CFAP300: variants seen among roughly 807,000 people sequenced by gnomAD.
CFAP300 encodes the protein cilia and flagella associated protein 300, also known as cilia- and flagella-associated protein 300.
A neutral mutation model predicts 33.0 loss-of-function variants in CFAP300; 32 were observed. The ratio of observed to expected loss-of-function variants is 0.97; its 90% CI spans 0.73 to 1.30. The LOEUF is 1.30. Ranked by LOEUF, CFAP300 falls within the 50% of genes most tolerant of loss-of-function variation. The pLI is 0.00. For synonymous variants in CFAP300, 102 were observed against 106.8 expected (o/e 0.95, Z 0.28); for missense variants, 356 against 318.1 (o/e 1.12, Z -0.90).
chr11:102,081,184 T>C (rs1942468159), intron 5 of CFAP300, 31 bp from the exon 6 acceptor site: 2 of 1,537,542 alleles, frequency 1.3e-6, no homozygotes, highest in East Asian at 4.5e-5. Context: ...GCCTATTATA[T>C]GTTAAAAGCA....
chr11:102,084,158 A>C lies in CFAP300; in HGVS notation c.*959A>C, dbSNP rs1254501208. 6.6e-6 allele frequency: 1 copy of C among 152,250 alleles called. No homozygotes were observed. The highest frequency in any genetic ancestry group is 2.4e-5 in the African/African-American group (1 of 41,474). 9.4% of individuals were successfully genotyped at this position (152,250 alleles called of 1,614,324 possible). ...GCATTAGTAAGTCGTTCAAAGAGTG[A>C]GAAGCAGGTTATCTTAGTACTGTTC... is the stretch of plus-strand genomic sequence containing the variant. On this transcript the variant is annotated 3_prime_UTR_variant, in exon 7 of 7. Transcript: ENST00000434758.
Position 102,084,139 on chromosome 11 carries a change from G to C in CFAP300, c.*940G>C, listed in dbSNP as rs993128465. The C allele has an allele frequency of 6.6e-6, 1 of 152,260 alleles. No homozygotes were observed. The highest frequency in any genetic ancestry group is 2.4e-5 in the African/African-American group (1 of 41,472). The allele number at this position is 152,260 out of a possible 1,614,324, so 9.4% of individuals were successfully genotyped here. A position where few individuals can be genotyped will look rare whatever the true frequency, so the allele number is the denominator to read the frequency against. ...CAGAGAAAGTTGCCTGATGGCATTAGTAAGTCGTTCAAAGAGTGAGAAGCA... is the reference window on the plus strand; with the variant it reads ...CAGAGAAAGTTGCCTGATGGCATTACTAAGTCGTTCAAAGAGTGAGAAGCA... On this transcript the variant is annotated 3_prime_UTR_variant, in exon 7 of 7. Transcript: ENST00000434758.
chr11:102,054,766 T>G (rs1385906750), intron 2 of CFAP300, among the ~76,000 whole-genome samples: 1 of 148,624 alleles, frequency 6.7e-6, no homozygotes, highest in Non-Finnish European at 1.5e-5. Flanking sequence ...CAGTTTAGAT[T>G]CCTCTCTGAA....
chr11:102,066,717 C>A, intron 4 of CFAP300, 66 bp downstream of exon 4: 1 of 1,418,146 alleles, frequency 7.1e-7, no homozygotes. Context: ...ATGGCAAAAA[C>A]TTTGCCTGCT....
chr11:102,066,453 A>G lies in CFAP300; in HGVS notation c.269-32A>G, dbSNP rs368718668. ...TTGAGAATACTAAATTAATTTTTCTATCTCCATTCTTTATAAAATATCTTT... is the reference window on the plus strand; with the variant it reads ...TTGAGAATACTAAATTAATTTTTCTGTCTCCATTCTTTATAAAATATCTTT... On this transcript the variant is annotated intron_variant, in intron 3 of 6. Coordinates refer to ENST00000434758, the MANE Select transcript of CFAP300 (RefSeq NM_032930.3). 41 of 1,487,802 alleles carry G rather than the reference A, an allele frequency of 2.8e-5. No individual in the cohort carries two copies. The African/African-American group carries it at 5.4e-4, about 19-fold the overall frequency. The allele number at this position is 1,487,802 out of a possible 1,614,324, so 92.2% of individuals were successfully genotyped here.
At chr11:102,048,486 C>T (rs1337364010) in intron 2 of CFAP300, among the ~76,000 whole-genome samples, 1 of 152,156 alleles carries the variant, frequency 6.6e-6, no homozygotes, top group African/African-American at 2.4e-5. Flanking sequence ...CGAGCCACCA[C>T]CCCCAGCCTC....
rs1941895400 is a variant in CFAP300 at position 102,047,492 on chromosome 11, G to T, written c.22G>T (p.Asp8Tyr). 1.3e-6 allele frequency: 2 copies of T among 1,535,996 alleles called. No individual in the cohort carries two copies. The highest frequency in any genetic ancestry group is 2.4e-5 in the South Asian group (2 of 84,064). MATGELG[D>Y]LGGYYFRFLP... ...CACGATGGCTACTGGGGAGCTCGGG[G>T]ACTTGGGTGGCTACTACTTCAGGTT... The change falls in exon 1 of 7, where the codon GAC (aspartate) becomes TAC (tyrosine). Residue 8 changes from aspartate to tyrosine, a missense_variant. By Grantham distance (160) the Asp-to-Tyr change is radical. Transcript: ENST00000434758.
chr11:102,060,934 C>T (rs970047403), intron 3 of CFAP300, among the ~76,000 whole-genome samples: 2 of 151,978 alleles, frequency 1.3e-5, no homozygotes, highest in Non-Finnish European at 2.9e-5. Context: ...TATATTTACC[C>T]AACTCAAAAT....
chr11:102,071,161 G>C (rs1942308195), intron 4 of CFAP300, among the ~76,000 whole-genome samples: 2 of 152,164 alleles, frequency 1.3e-5, no homozygotes, highest in South Asian at 4.1e-4. Flanking sequence ...CTGTATTAGA[G>C]TCTGTCTCTT....
At chr11:102,056,328 A>G (rs1225282550) in intron 2 of CFAP300, among the ~76,000 whole-genome samples, 1 of 152,224 alleles carries the variant, frequency 6.6e-6, no homozygotes, top group Non-Finnish European at 1.5e-5. Flanking sequence ...AGAATCCAAA[A>G]GTAGAGTTTG....
chr11:102,072,466 GAAT>G (rs1942326926), intron 4 of CFAP300, among the ~76,000 whole-genome samples: 1 of 151,364 alleles, frequency 6.6e-6, no homozygotes, highest in Non-Finnish European at 1.5e-5. Flanking sequence ...TTTTTTGAGA[GAAT>G]TTTTTTTTTT....
intron 3 of CFAP300, among the ~76,000 whole-genome samples, chr11:102,059,319 G>GTGTGTA (rs1942108159): frequency 6.7e-6 from 1 of 148,360 alleles, no homozygotes; most frequent in Non-Finnish European, 1.5e-5. Context: ...GTGTGTGTGT[G>GTGTGTA]TGTATGTACT....
chr11:102,060,906 A>G (rs796546675), intron 3 of CFAP300, among the ~76,000 whole-genome samples: 5 of 152,320 alleles, frequency 3.3e-5, no homozygotes, highest in African/African-American at 1.2e-4. Context: ...ACAAAATTAA[A>G]CTGAGTATCT....
intron 5 of CFAP300, among the ~76,000 whole-genome samples, chr11:102,079,188 G>T (rs913015229): frequency 1.3e-5 from 2 of 151,952 alleles, no homozygotes; most frequent in Non-Finnish European, 2.9e-5. Context: ...ATACAATTTG[G>T]TGAATCTTTA....
At chr11:102,049,816 A>G (rs1284568316) in intron 2 of CFAP300, among the ~76,000 whole-genome samples, 6 of 151,966 alleles carry the variant, frequency 3.9e-5, no homozygotes, top group Non-Finnish European at 5.9e-5. Context: ...CCCAGCTTAC[A>G]AGGCATGTAT....
In CFAP300 at chr11:102,083,035, A is replaced by T. The variant is rs772897913; in HGVS notation, c.676-36A>T. On this transcript the variant is annotated intron_variant, in intron 6 of 6. Coordinates refer to ENST00000434758, the MANE Select transcript of CFAP300 (RefSeq NM_032930.3). ...AATAAATATATAAATACATAAATAA[A>T]ATAAAATAATAATAATTTAGGTTTG... The T allele has an allele frequency of 1.1e-5, 12 of 1,134,380 alleles. No individual in the cohort carries two copies. The African/African-American group carries it at 1.7e-4, about 16-fold the overall frequency. The allele number at this position is 1,134,380 out of a possible 1,614,324, so 70.3% of individuals were successfully genotyped here. A position where few individuals can be genotyped will look rare whatever the true frequency, so the allele number is the denominator to read the frequency against.
Position 102,047,486 on chromosome 11 carries a change from C to T in CFAP300, c.16C>T (p.Leu6Phe), listed in dbSNP as rs184947491. ...CGAGAGCACGATGGCTACTGGGGAG[C>T]TCGGGGACTTGGGTGGCTACTACTT... The part of the protein sequence containing the change: MATGE[L>F]GDLGGYYFRF... Residue 6 changes from leucine (L) to phenylalanine (F), a missense_variant, in exon 1 of 7, where the codon CTC (leucine) becomes TTC (phenylalanine). By Grantham distance (22) the Leu-to-Phe change is conservative. Transcript: ENST00000434758. 2,841 of 1,535,916 alleles carry T rather than the reference C, an allele frequency of 1.8e-3. 7 individuals carry two copies. The highest frequency in any genetic ancestry group is 2.0e-3 in the Non-Finnish European group (2,343 of 1,146,734).
intron 3 of CFAP300, among the ~76,000 whole-genome samples, chr11:102,059,957 T>C (rs11225115): frequency 0.54 from 81,262 of 151,546 alleles, 22,649 homozygotes; most frequent in East Asian, 0.75. Context: ...GGCTAATTCC[T>C]GGCTAATTTT....
chr11:102,052,850 C>A (rs1941991303), intron 2 of CFAP300, among the ~76,000 whole-genome samples: 1 of 152,168 alleles, frequency 6.6e-6, no homozygotes, highest in Admixed American at 6.6e-5. Flanking sequence ...CTTTTTCCAG[C>A]CCTTCAATTC....
Sources: gnomAD v4.1 joint callset for allele counts (sites outside exome capture counted in the v4.1 genomes callset) on GRCh38, gnomAD v4.1.1 for gene constraint, MANE v1.5 for transcripts, NCBI Gene and HGNC (gene_info 2026-07-23, HGNC 2026-07-21) for gene names.